CRIM1: variants seen among roughly 807,000 people sequenced by gnomAD.
The protein encoded by CRIM1 is cysteine-rich motor neuron 1 protein.
CRIM1 carries 32 observed loss-of-function variants against 116.4 expected under a neutral mutation model. That is an observed-to-expected ratio of 0.27 (90% CI 0.21 to 0.37). The LOEUF (loss-of-function observed/expected upper bound fraction) is 0.37. Among genes scored for constraint, CRIM1 ranks in the 10% least tolerant of loss-of-function variants. The pLI, the probability that CRIM1 is intolerant of heterozygous loss-of-function variation, is 1.00. For missense variants in CRIM1, 1,331 were observed against 1,354.8 expected (o/e 0.98, Z 0.28); for synonymous variants, 590 against 509.2 (o/e 1.16, Z -2.13).
rs1481459333 is a variant in CRIM1 at position 36,477,030 on chromosome 2, G to A, written c.1133G>A (p.Arg378Lys). 1.2e-6 allele frequency: 2 copies of A among 1,613,448 alleles called. No individual in the cohort carries two copies. Among genetic ancestry groups the A allele is most frequent in the South Asian group, 2.2e-5 (2 of 90,964 alleles). The change falls in exon 6 of 17, where the codon AGG becomes AAG. Residue 378 changes from arginine to lysine, a missense_variant. This residue lies in a region of CRIM1 where 690 missense variants were observed against 676.0 expected (regional missense o/e 1.02). Coordinates refer to ENST00000280527, the MANE Select transcript of CRIM1 (RefSeq NM_016441.3). ...CAGTGTGGTGAGATAAACTGCGAGAGGTACTACGTGCCCGAAGGAGAGTGC... is the reference window on the plus strand; with the variant it reads ...CAGTGTGGTGAGATAAACTGCGAGAAGTACTACGTGCCCGAAGGAGAGTGC... ...TAQCGEINCE[R>K]YYVPEGECCP...
chr2:36,534,673 G>GGAAGGAAAAGGAAGACAGGAA (rs1382428968), intron 13 of CRIM1, among the ~76,000 whole-genome samples: 8 of 148,472 alleles, frequency 5.4e-5, no homozygotes, highest in South Asian at 2.2e-4. Flanking sequence ...AGGAAATACA[G>GGAAGGAAAAGGAAGACAGGAA]GAAGGAAAAG....
At chr2:36,546,763 ATTTTTT>A (rs775086985) in intron 15 of CRIM1, among the ~76,000 whole-genome samples, 91 of 101,846 alleles carry the variant, frequency 8.9e-4, no homozygotes, top group African/African-American at 3.2e-3. Flanking sequence ...TCTCACTCTG[ATTTTTT>A]TTTTTTTTTT....
chr2:36,392,482 C>T (rs1443909591), intron 1 of CRIM1, among the ~76,000 whole-genome samples: 1 of 151,404 alleles, frequency 6.6e-6, no homozygotes, highest in Non-Finnish European at 1.5e-5. Context: ...CAAGGAGAAA[C>T]CAGGAGCTAT....
In CRIM1 at chr2:36,526,303, G is replaced by A. The variant is rs374085762; in HGVS notation, c.2428+3990G>A. 6.6e-5 allele frequency among the ~76,000 whole-genome samples: 10 copies of A among 152,262 alleles called. No individual in the cohort carries two copies. In the East Asian group the frequency reaches 9.6e-4, roughly 15 times the overall value. On this transcript the variant is annotated intron_variant, in intron 13 of 16. Coordinates refer to ENST00000280527, the MANE Select transcript of CRIM1 (RefSeq NM_016441.3). ...AGAATCAAAAGTTGACAAGTATGAC[G>A]CAGGTGGAGATAAAAGGTCTGGTGG...
At chr2:36,534,191 AAGG>A (rs1418683559) in intron 13 of CRIM1, among the ~76,000 whole-genome samples, 4 of 121,028 alleles carry the variant, frequency 3.3e-5, no homozygotes, top group East Asian at 2.9e-4. Context: ...AGTGGGAAGG[AAGG>A]AGGGAGAAAA....
chr2:36,360,158 A>G (rs527419784), intron 1 of CRIM1, among the ~76,000 whole-genome samples: 7 of 152,338 alleles, frequency 4.6e-5, no homozygotes. Flanking sequence ...CCCATGTGTC[A>G]TAGCGCTTTA....
intron 2 of CRIM1, among the ~76,000 whole-genome samples, chr2:36,414,832 G>A (rs1673484354): frequency 3.3e-5 from 5 of 152,168 alleles, no homozygotes; most frequent in African/African-American, 1.2e-4. Flanking sequence ...AGGCAGGGAA[G>A]GGCTCAGTTA....
At chr2:36,496,229 T>G (rs1680582553) in intron 7 of CRIM1, among the ~76,000 whole-genome samples, 2 of 152,208 alleles carry the variant, frequency 1.3e-5, no homozygotes. Context: ...AGATGCCAAG[T>G]GTTAAAATGT....
chr2:36,512,523 T>TG, intron 10 of CRIM1, 129 bp downstream of exon 10: 2 of 995,822 alleles, frequency 2.0e-6, no homozygotes, highest in Non-Finnish European at 2.9e-6. Flanking sequence ...TCAGTCTCTG[T>TG]GGGACCGTCC....
At chr2:36,381,691 G>A (rs1459180656) in intron 1 of CRIM1, among the ~76,000 whole-genome samples, 7 of 152,220 alleles carry the variant, frequency 4.6e-5, no homozygotes, top group Admixed American at 6.5e-5. Context: ...GGAGGCTGAG[G>A]CAGGAGAATT....
intron 4 of CRIM1, among the ~76,000 whole-genome samples, chr2:36,454,286 A>C (rs1160033154): frequency 6.6e-6 from 1 of 151,536 alleles, no homozygotes; most frequent in Non-Finnish European, 1.5e-5. Flanking sequence ...TCTTTCCTCT[A>C]TCTGGAATGC....
chr2:36,402,443 G>T (rs145484980), intron 2 of CRIM1, among the ~76,000 whole-genome samples: 20 of 151,632 alleles, frequency 1.3e-4, no homozygotes, highest in Non-Finnish European at 2.4e-4. Flanking sequence ...TGACCAGAAT[G>T]GGGGGGAGGG....
At chr2:36,478,043 C>G (rs1311549910) in intron 6 of CRIM1, among the ~76,000 whole-genome samples, 5 of 152,184 alleles carry the variant, frequency 3.3e-5, no homozygotes, top group African/African-American at 4.8e-5. Context: ...TCTCTGCACA[C>G]AAAGTGGGAG....
At chr2:36,527,530 C>T (rs1038438804) in intron 13 of CRIM1, among the ~76,000 whole-genome samples, 1 of 145,570 alleles carries the variant, frequency 6.9e-6, no homozygotes, top group Non-Finnish European at 1.5e-5. Context: ...CCATAGTGAT[C>T]TTCAACTCGC....
In CRIM1 at chr2:36,462,333, C is replaced by G. The variant is rs149239068; in HGVS notation, c.870-2201C>G. 3.7e-4 allele frequency among the ~76,000 whole-genome samples: 56 copies of G among 152,314 alleles called. 2 individuals are homozygous for G. The highest frequency in any genetic ancestry group is 1.3e-3 in the African/African-American group (54 of 41,568). On this transcript the variant is annotated intron_variant, in intron 4 of 16. Transcript: ENST00000280527. ...GCAATATATGTCTATAAGAAACTTGCACTTGTACTCCCTAAATGTATTTTT... is the reference window on the plus strand; with the variant it reads ...GCAATATATGTCTATAAGAAACTTGGACTTGTACTCCCTAAATGTATTTTT...
Position 36,412,408 on chromosome 2 carries a change from C to T in CRIM1, c.505+15621C>T, listed in dbSNP as rs564916870. 2.0e-5 allele frequency among the ~76,000 whole-genome samples: 3 copies of T among 152,224 alleles called. No homozygotes were observed. The East Asian group carries it at 5.8e-4, about 29-fold the overall frequency. On this transcript the variant is annotated intron_variant, in intron 2 of 16. Transcript: ENST00000280527. ...AAGTGAAATTGTGTTTTGGAGAAGC[C>T]TCCATATTTGGCCATCGAGAGATTG...
At chr2:36,435,422 T>G (rs558760976) in intron 2 of CRIM1, among the ~76,000 whole-genome samples, 2 of 152,116 alleles carry the variant, frequency 1.3e-5, no homozygotes, top group African/African-American at 4.8e-5. Flanking sequence ...CAGTGTCAGA[T>G]GTATGGGACT....
At chr2:36,532,173 G>A (rs989113082) in intron 13 of CRIM1, among the ~76,000 whole-genome samples, 4 of 152,218 alleles carry the variant, frequency 2.6e-5, no homozygotes, top group African/African-American at 4.8e-5. Context: ...GGCCCTGGAC[G>A]CCATCGCAAG....
At chr2:36,400,914 T>G (rs1431838401) in intron 2 of CRIM1, among the ~76,000 whole-genome samples, 1 of 152,102 alleles carries the variant, frequency 6.6e-6, no homozygotes, top group East Asian at 1.9e-4. Context: ...AATAGTCTAG[T>G]TAAAGCCTCC....
Sources: gnomAD v4.1 joint callset for allele counts (sites outside exome capture counted in the v4.1 genomes callset) on GRCh38, gnomAD v4.1.1 for gene constraint, gnomAD v4.1.1 regional missense constraint, MANE v1.5 for transcripts, NCBI Gene and HGNC (gene_info 2026-07-23, HGNC 2026-07-21) for gene names.